The following INTS3 variants were observed in gnomAD, a reference collection of about 807,000 sequenced individuals.
The protein encoded by INTS3 is SOSS complex subunit A.
INTS3 carries 34 observed loss-of-function variants against 146.3 expected under a neutral mutation model. The observed-to-expected ratio is 0.23, with a 90% CI of 0.18 to 0.31. INTS3 has a LOEUF of 0.31. Ranked by LOEUF, INTS3 falls within the 10% of genes least tolerant of loss-of-function variation. The pLI is 1.00. For synonymous variants in INTS3, 475 were observed against 494.9 expected (o/e 0.96, Z 0.53); for missense variants, 757 against 1,304.2 (o/e 0.58, Z 6.46).
At position 153,748,733 on chromosome 1, in the gene INTS3, C is replaced by T; in HGVS notation, c.562C>T (p.Leu188=). 3 of 1,614,092 alleles carry T rather than the reference C, an allele frequency of 1.9e-6. No individual in the cohort carries two copies. The highest frequency in any genetic ancestry group is 2.5e-6 in the Non-Finnish European group (3 of 1,179,970). ...AKNIWLAESV[L]DILTEQREWV... The stretch of plus-strand genomic sequence containing the variant: ...AAATATCTGGTTGGCAGAAAGTGTT[C>T]TGGATATCCTGACAGAGCAAAGGTA... The change falls in exon 6 of 30, where the codon CTG becomes TTG. Residue 188 remains leucine (L), a synonymous_variant. Coordinates refer to ENST00000318967, the MANE Select transcript of INTS3 (RefSeq NM_023015.5).
rs73013759 is a variant in INTS3 at position 153,757,113 on chromosome 1, T to A, written c.958-459T>A. On this transcript the variant is annotated intron_variant, in intron 9 of 29. Coordinates refer to ENST00000318967, the MANE Select transcript of INTS3 (RefSeq NM_023015.5). This position sits in a 1 kb window ranked among gnomAD's most constrained non-coding sequence, Gnocchi z 4.0. ...AGGTTTGGAGAGTCTAGGCTTTGGATAATGGTCCTGCTAGGTCAGCACCAG... is the reference window on the plus strand; with the variant it reads ...AGGTTTGGAGAGTCTAGGCTTTGGAAAATGGTCCTGCTAGGTCAGCACCAG... Among the ~76,000 whole-genome samples the A allele has an allele frequency of 2.7e-3, 407 of 152,326 alleles. 2 individuals are homozygous for A. Among genetic ancestry groups the A allele is most frequent in the African/African-American group, 9.5e-3 (394 of 41,576 alleles).
Position 153,764,929 on chromosome 1 carries a change from A to G in INTS3, c.1971-15A>G. On this transcript the variant is annotated splice_polypyrimidine_tract_variant and intron_variant, in intron 19 of 29. Transcript: ENST00000318967. ...GGTAAAGTTCTGTTCCTCTCCTCCC[A>G]TGCCCCACCTCCAGGAACCTATGTC... 3 of 1,614,016 alleles carry G rather than the reference A, an allele frequency of 1.9e-6. No individual in the cohort carries two copies. The highest frequency in any genetic ancestry group is 1.1e-5 in the South Asian group (1 of 91,078).
At position 153,773,365 on chromosome 1, in the gene INTS3, A is replaced by AAGGGTGTTT; in HGVS notation, c.*95_*96insAGGGTGTTT. The AAGGGTGTTT allele has an allele frequency of 8.5e-7, 1 of 1,175,278 alleles. No individual in the cohort carries two copies. Among genetic ancestry groups the AAGGGTGTTT allele is most frequent in the Non-Finnish European group, 1.3e-6 (1 of 788,744 alleles). 72.8% of individuals were successfully genotyped at this position (1,175,278 alleles called of 1,614,324 possible). A position where few individuals can be genotyped will look rare whatever the true frequency, so the allele number is the denominator to read the frequency against. On this transcript the variant is annotated 3_prime_UTR_variant, in exon 30 of 30. Transcript: ENST00000318967. ...AGGCTGAGGAGATTGCAGGGGAAAC[A>AAGGGTGTTT]CCCTTGCTGCATCCCCAAGCTCCCC...
intron 9 of INTS3, among the ~76,000 whole-genome samples, chr1:153,754,972 G>A (rs576849711): frequency 2.6e-5 from 4 of 152,338 alleles, no homozygotes; most frequent in South Asian, 4.1e-4. Flanking sequence ...AGTTCCAGCT[G>A]TTGTGAAGCT....
In INTS3 at chr1:153,773,998, GTTTT is replaced by G. The variant is rs200086354; in HGVS notation, c.*734_*737del. 1.3e-5 allele frequency: 2 copies of G among 155,306 alleles called. No individual in the cohort carries two copies. Among genetic ancestry groups the G allele is most frequent in the South Asian group, 2.2e-4 (1 of 4,548 alleles). 9.6% of individuals were successfully genotyped at this position (155,306 alleles called of 1,614,324 possible). On this transcript the variant is annotated 3_prime_UTR_variant, in exon 30 of 30. Transcript: ENST00000318967. The stretch of plus-strand genomic sequence containing the variant: ...TTTCCTTGAGTCTGTTTTTTTTTTT[GTTTT>G]TTTTTGTTTTTTTTTTGGCAGAGAT...
rs779867180 is a variant in INTS3 at position 153,761,526 on chromosome 1, TAAGAG to T, written c.1410-40_1410-36del. On this transcript the variant is annotated intron_variant, in intron 13 of 29. Transcript: ENST00000318967. ...ACTCTGTCTCAAAAAAAAATAAAAA[TAAGAG>T]AAGCTCTGATATTGACCTTCATCAT... The T allele has an allele frequency of 6.5e-6, 9 of 1,376,976 alleles. No homozygotes were observed. In the South Asian group the frequency reaches 1.1e-4, roughly 17 times the overall value. The allele number at this position is 1,376,976 out of a possible 1,614,324, so 85.3% of individuals were successfully genotyped here. A position where few individuals can be genotyped will look rare whatever the true frequency, so the allele number is the denominator to read the frequency against.
At chr1:153,733,228 T>G (rs1159063232) in intron 1 of INTS3, among the ~76,000 whole-genome samples, 6 of 68,198 alleles carry the variant, frequency 8.8e-5, no homozygotes, top group Non-Finnish European at 1.4e-4. Flanking sequence ...TTTTTTTTTT[T>G]TGCAGATGCA....
At chr1:153,730,789 C>T (rs1004727669) in intron 1 of INTS3, among the ~76,000 whole-genome samples, 12 of 152,056 alleles carry the variant, frequency 7.9e-5, no homozygotes, top group African/African-American at 2.9e-4. Context: ...CTCAAGCTCC[C>T]CCTTCTTTGC....
chr1:153,771,485 G>A (rs1672864482), intron 25 of INTS3, among the ~76,000 whole-genome samples: 1 of 152,080 alleles, frequency 6.6e-6, no homozygotes, highest in Non-Finnish European at 1.5e-5. Context: ...CATGCCACAT[G>A]CTTGTGCTTC....
intron 23 of INTS3, 90 bp from the exon 24 acceptor site, chr1:153,770,079 GTGTGTGTGTGTGTGTGTGTGTGTGCTGGT>G: frequency 2.3e-6 from 1 of 443,372 alleles, no homozygotes; most frequent in Non-Finnish European, 3.9e-6. Flanking sequence ...GTGTGTGTGT[GTGTGTGTGTGTGTGTGTGTGTGTGCTGGT>G]AGTCAGTGGA....
chr1:153,772,835 A>G lies in INTS3; in HGVS notation c.2895-90A>G. ...TTAGGGTCCAGGGTTGAAGAAAAAG[A>G]AGGCCTAGGCCTGGGGGCAGAGAAG... On this transcript the variant is annotated intron_variant, in intron 28 of 29. Coordinates refer to ENST00000318967, the MANE Select transcript of INTS3 (RefSeq NM_023015.5). This position sits in a 1 kb window ranked among gnomAD's most constrained non-coding sequence, Gnocchi z 4.6. The G allele has an allele frequency of 6.3e-7, 1 of 1,586,610 alleles. No homozygotes were observed. The highest frequency in any genetic ancestry group is 8.6e-7 in the Non-Finnish European group (1 of 1,163,162).
chr1:153,770,389 C>A, intron 24 of INTS3, 78 bp downstream of exon 24: 1 of 933,942 alleles, frequency 1.1e-6, no homozygotes, highest in Non-Finnish European at 1.8e-6. Context: ...GGCCTCTAGG[C>A]TTCTAGGATG....
At chr1:153,760,458 TC>T (rs1672342154) in intron 12 of INTS3, 68 bp downstream of exon 12, 1 of 1,335,704 alleles carries the variant, frequency 7.5e-7, no homozygotes, top group Non-Finnish European at 1.1e-6. Flanking sequence ...TCCCCTAATC[TC>T]CCAGTGAACG....
intron 12 of INTS3, 191 bp from the exon 13 acceptor site, chr1:153,760,636 T>C (rs1003078577): frequency 2.1e-5 from 13 of 632,692 alleles, no homozygotes; most frequent in Middle Eastern, 4.3e-4. Flanking sequence ...TCTGGTTTCC[T>C]TGGGGAGCAG....
intron 1 of INTS3, among the ~76,000 whole-genome samples, chr1:153,734,541 A>C (rs961214598): frequency 7.2e-5 from 11 of 152,184 alleles, no homozygotes; most frequent in Non-Finnish European, 1.5e-4. Flanking sequence ...CCAAGAGGCC[A>C]CTTTGCTCCT....
At chr1:153,761,035 G>A in intron 13 of INTS3, 117 bp downstream of exon 13, 4 of 1,516,962 alleles carry the variant, frequency 2.6e-6, no homozygotes, top group Non-Finnish European at 2.7e-6. Flanking sequence ...AAAAGTATTG[G>A]CTCTACCTCA....
intron 7 of INTS3, 172 bp from the exon 8 acceptor site, chr1:153,752,107 C>G (rs1245693471): frequency 8.5e-6 from 6 of 704,364 alleles, no homozygotes; most frequent in Non-Finnish European, 1.5e-5. Flanking sequence ...TTCCAGCTCT[C>G]TTCCCCTGAA....
chr1:153,743,397 A>G (rs1020786070), intron 3 of INTS3, among the ~76,000 whole-genome samples: 1 of 152,192 alleles, frequency 6.6e-6, no homozygotes, highest in Non-Finnish European at 1.5e-5. Context: ...TCTTGAACAA[A>G]TAGAATACTG....
intron 1 of INTS3, among the ~76,000 whole-genome samples, chr1:153,739,583 C>G (rs994171728): frequency 6.6e-6 from 1 of 152,050 alleles, no homozygotes; most frequent in Non-Finnish European, 1.5e-5. Flanking sequence ...ATCCAACCCC[C>G]TCGGCCTCCC....
Sources: allele counts gnomAD v4.1 joint callset (sites outside exome capture counted in the v4.1 genomes callset), GRCh38; gene constraint gnomAD v4.1.1; non-coding constraint Gnocchi (gnomAD v3.1); transcripts MANE v1.5; gene names NCBI Gene and HGNC (gene_info 2026-07-23, HGNC 2026-07-21).